The following EPHA6 variants were observed in gnomAD, a reference collection of about 807,000 sequenced individuals.
EPHA6 encodes the protein ephrin type-A receptor 6.
Under a neutral mutation model 112.0 loss-of-function variants are expected in EPHA6, and 50 were observed. The observed-to-expected ratio is 0.45, with a 90% confidence interval of 0.36 to 0.56. The LOEUF is 0.56. EPHA6 is among the 20% of genes least tolerant of loss of function. The pLI is 0.00. For synonymous variants in EPHA6, 529 were observed against 490.7 expected, an observed-to-expected ratio of 1.08 and a Z score of -1.03; for missense variants, 1,280 against 1,417.4, an observed-to-expected ratio of 0.90 and a Z score of 1.56.
chr3:97,108,909 G>C, intron 3 of EPHA6, among the ~76,000 whole-genome samples: 1 of 152,098 alleles, frequency 6.6e-6, no homozygotes, highest in East Asian at 1.9e-4. Context: ...TTTCCATGTA[G>C]ATGTTCAAAG....
chr3:97,472,004 G>T (rs763202536), intron 7 of EPHA6, among the ~76,000 whole-genome samples: 2 of 151,610 alleles, frequency 1.3e-5, no homozygotes, highest in Non-Finnish European at 3.0e-5. Flanking sequence ...CTCTGCCTTT[G>T]TCTTTACATG....
chr3:97,417,913 A>C (rs1028337259), intron 6 of EPHA6, among the ~76,000 whole-genome samples: 2 of 152,200 alleles, frequency 1.3e-5, no homozygotes, highest in Admixed American at 1.3e-4. Context: ...TGATCAGGCA[A>C]TAATAACACA....
intron 6 of EPHA6, among the ~76,000 whole-genome samples, chr3:97,407,779 A>T (rs1321194088): frequency 6.6e-6 from 1 of 151,896 alleles, no homozygotes; most frequent in Admixed American, 6.6e-5. Context: ...TAGGCTCTCC[A>T]GTAGAGCCCA....
chr3:97,211,513 C>T (rs556679259), intron 3 of EPHA6, among the ~76,000 whole-genome samples: 1 of 152,280 alleles, frequency 6.6e-6, no homozygotes, highest in African/African-American at 2.4e-5. Context: ...GATCTGGTGT[C>T]TGGTGAGTAC....
At chr3:97,250,210 C>A (rs1356262611) in intron 5 of EPHA6, among the ~76,000 whole-genome samples, 2 of 152,182 alleles carry the variant, frequency 1.3e-5, no homozygotes, top group Non-Finnish European at 2.9e-5. Context: ...TTAGCATATA[C>A]TAAATTTCAT....
At chr3:97,487,335 A>C (rs2091721621) in intron 10 of EPHA6, among the ~76,000 whole-genome samples, 1 of 152,248 alleles carries the variant, frequency 6.6e-6, no homozygotes. Flanking sequence ...ATCAGAAATA[A>C]ATGTAAAACA....
chr3:96,904,748 G>A (rs776363818), intron 2 of EPHA6, among the ~76,000 whole-genome samples: 6 of 152,218 alleles, frequency 3.9e-5, no homozygotes, highest in African/African-American at 7.2e-5. Context: ...AAAATGTACA[G>A]CAGATATGTA....
At chr3:97,278,844 T>C (rs1214702588) in intron 5 of EPHA6, among the ~76,000 whole-genome samples, 2 of 152,138 alleles carry the variant, frequency 1.3e-5, no homozygotes, top group Non-Finnish European at 2.9e-5. Context: ...GGATTTTGAC[T>C]CAGACTCCTC....
At chr3:97,708,518 G>A (rs774991677) in intron 14 of EPHA6, among the ~76,000 whole-genome samples, 1 of 152,220 alleles carries the variant, frequency 6.6e-6, no homozygotes, top group Non-Finnish European at 1.5e-5. Context: ...AAAATTTGAA[G>A]CCTGACCTTT....
chr3:97,668,109 T>G (rs2030348466), intron 14 of EPHA6, among the ~76,000 whole-genome samples: 1 of 152,212 alleles, frequency 6.6e-6, no homozygotes, highest in Non-Finnish European at 1.5e-5. Flanking sequence ...AACGTCTTTG[T>G]GGTAGGTAAC....
At chr3:96,971,358 A>G (rs770083194) in intron 2 of EPHA6, among the ~76,000 whole-genome samples, 1 of 152,282 alleles carries the variant, frequency 6.6e-6, no homozygotes, top group African/African-American at 2.4e-5. Flanking sequence ...GTTATTAAAT[A>G]TCTTTGTAGT....
At chr3:97,015,454 G>T (rs2044232759) in intron 3 of EPHA6, among the ~76,000 whole-genome samples, 1 of 151,882 alleles carries the variant, frequency 6.6e-6, no homozygotes, top group South Asian at 2.1e-4. Context: ...AAATTATGAG[G>T]GTCTGTCTGG....
chr3:97,341,358 T>C (rs2083294190), intron 5 of EPHA6, among the ~76,000 whole-genome samples: 2 of 151,314 alleles, frequency 1.3e-5, no homozygotes, highest in Non-Finnish European at 1.5e-5. Flanking sequence ...ATGCTTTTCT[T>C]TCCTTTTTTT....
intron 5 of EPHA6, among the ~76,000 whole-genome samples, chr3:97,293,992 CA>C (rs1311925984): frequency 3.3e-5 from 5 of 152,246 alleles, no homozygotes; most frequent in Admixed American, 2.0e-4. Context: ...GGCACAACAG[CA>C]CCCAGGTTCA....
chr3:97,683,026 G>GA (rs2031980368), intron 14 of EPHA6, among the ~76,000 whole-genome samples: 1 of 152,082 alleles, frequency 6.6e-6, no homozygotes, highest in Non-Finnish European at 1.5e-5. Flanking sequence ...AAGATTTACA[G>GA]AAAATTTTAT....
At chr3:97,513,118 G>T (rs1324153286) in intron 10 of EPHA6, among the ~76,000 whole-genome samples, 1 of 152,030 alleles carries the variant, frequency 6.6e-6, no homozygotes, top group African/African-American at 2.4e-5. Context: ...ATTTACTCAT[G>T]GTGTTCAATA....
chr3:97,176,463 G>A (rs2076837065), intron 3 of EPHA6, among the ~76,000 whole-genome samples: 1 of 151,900 alleles, frequency 6.6e-6, no homozygotes, highest in Non-Finnish European at 1.5e-5. Context: ...AAGAGTTTGA[G>A]TAGGATTGAT....
intron 5 of EPHA6, among the ~76,000 whole-genome samples, chr3:97,378,960 G>T (rs891925292): frequency 6.6e-6 from 1 of 152,160 alleles, no homozygotes; most frequent in Non-Finnish European, 1.5e-5. Flanking sequence ...AGGAAGGCAT[G>T]ATTTGTTTTG....
rs56242249 is a variant in EPHA6 at position 97,171,484 on chromosome 3, T to A, written c.1115-54780T>A. ...ATAATGAACATAGAATTAATAGGAA[T>A]GGAGAAGAAGACAAACATGCAACAG... is the stretch of plus-strand genomic sequence containing the variant. On this transcript the variant is annotated intron_variant, in intron 3 of 17. Transcript: ENST00000389672. Among the ~76,000 whole-genome samples the A allele has an allele frequency of 5.8e-3, 885 of 152,078 alleles. 3 individuals are homozygous for A. Among genetic ancestry groups the A allele is most frequent in the Non-Finnish European group, 8.4e-3 (572 of 67,972 alleles).
Sources: gnomAD v4.1 joint callset for allele counts (sites outside exome capture counted in the v4.1 genomes callset) on GRCh38, gnomAD v4.1.1 for gene constraint, MANE v1.5 for transcripts, NCBI Gene and HGNC (gene_info 2026-07-23, HGNC 2026-07-21) for gene names.